The following OSBPL10 variants were observed in gnomAD, a reference collection of about 807,000 sequenced individuals.
OSBPL10 encodes oxysterol binding protein like 10.
OSBPL10 carries 49 observed loss-of-function variants against 81.7 expected under a neutral mutation model. That is an observed-to-expected ratio of 0.60 (90% CI 0.48 to 0.76). The LOEUF (loss-of-function observed/expected upper bound fraction) is 0.76, where lower values mean the gene tolerates loss of function less well. Ranked by LOEUF, OSBPL10 falls within the 30% of genes least tolerant of loss-of-function variation. The probability of loss-of-function intolerance (pLI) is 0.00; values close to 1 mark genes in which losing one functional copy is unlikely to be tolerated. For synonymous variants in OSBPL10, 419 were observed against 383.6 expected, an observed-to-expected ratio of 1.09 and a Z score of -1.08; for missense variants, 923 against 987.8, an observed-to-expected ratio of 0.93 and a Z score of 0.88.
chr3:31,806,430 G>A (rs1699524555), intron 4 of OSBPL10, among the ~76,000 whole-genome samples: 1 of 152,182 alleles, frequency 6.6e-6, no homozygotes, highest in African/African-American at 2.4e-5. Context: ...AGTCTAGATG[G>A]CCATTCTTCA....
intron 4 of OSBPL10, among the ~76,000 whole-genome samples, chr3:31,819,044 G>A (rs1216940141): frequency 6.6e-6 from 1 of 152,254 alleles, no homozygotes; most frequent in Non-Finnish European, 1.5e-5. Flanking sequence ...GCCACTTTCA[G>A]GGAAGGACAG....
chr3:31,951,329 GAAAC>G (rs973273343), intron 1 of OSBPL10, among the ~76,000 whole-genome samples: 46 of 151,712 alleles, frequency 3.0e-4, no homozygotes, highest in African/African-American at 1.1e-3. Context: ...ATAAAACTGA[GAAAC>G]AAAACTAAAT....
At chr3:31,703,426 A>C (rs146733263) in intron 6 of OSBPL10, among the ~76,000 whole-genome samples, 8 of 152,368 alleles carry the variant, frequency 5.3e-5, no homozygotes, top group African/African-American at 1.9e-4. Flanking sequence ...CAGGTCAGAC[A>C]TAATATACAG....
At chr3:31,808,743 C>T (rs950486349) in intron 4 of OSBPL10, among the ~76,000 whole-genome samples, 8 of 152,232 alleles carry the variant, frequency 5.3e-5, no homozygotes, top group Non-Finnish European at 1.2e-4. Flanking sequence ...CCTCTCTTCG[C>T]TTTACTTCAT....
chr3:31,848,281 T>C (rs572635304), intron 3 of OSBPL10, among the ~76,000 whole-genome samples: 177 of 151,790 alleles, frequency 1.2e-3, no homozygotes, highest in African/African-American at 4.2e-3. Flanking sequence ...TACCTTCTCT[T>C]CTGCTGTTAC....
intron 1 of OSBPL10, among the ~76,000 whole-genome samples, chr3:31,949,138 T>C (rs1053803672): frequency 6.6e-6 from 1 of 152,142 alleles, no homozygotes; most frequent in African/African-American, 2.4e-5. Flanking sequence ...AGAGGAGTTT[T>C]AGGTTGGTTT....
intron 1 of OSBPL10, among the ~76,000 whole-genome samples, chr3:31,928,712 A>C (rs1266577624): frequency 6.8e-6 from 1 of 147,604 alleles, no homozygotes; most frequent in Non-Finnish European, 1.5e-5. Flanking sequence ...CCTGGGAGAC[A>C]GAGGTTGCCG....
intron 4 of OSBPL10, among the ~76,000 whole-genome samples, chr3:31,767,303 A>T (rs1302187379): frequency 6.6e-6 from 1 of 152,178 alleles, no homozygotes; most frequent in Non-Finnish European, 1.5e-5. Flanking sequence ...GTGAGAAAAA[A>T]ACTCAACTGT....
intron 3 of OSBPL10, among the ~76,000 whole-genome samples, chr3:31,848,867 C>T (rs1700696801): frequency 6.6e-6 from 1 of 152,154 alleles, no homozygotes; most frequent in African/African-American, 2.4e-5. Flanking sequence ...AGTTAGGAAC[C>T]CGCTCTGTTG....
chr3:31,902,578 T>C (rs552441228), intron 1 of OSBPL10, among the ~76,000 whole-genome samples: 1 of 151,984 alleles, frequency 6.6e-6, no homozygotes, highest in South Asian at 2.1e-4. Context: ...GCCAGTGTTT[T>C]TTGAGACAGA....
At chr3:31,996,208 T>C (rs962954290) in intron 2 of OSBPL10, among the ~76,000 whole-genome samples, 6 of 152,138 alleles carry the variant, frequency 3.9e-5, no homozygotes, top group African/African-American at 1.2e-4. Context: ...GTGGACAAAA[T>C]ATTCTAGAGA....
chr3:31,929,639 T>C (rs1697177379), intron 1 of OSBPL10, among the ~76,000 whole-genome samples: 2 of 151,258 alleles, frequency 1.3e-5, no homozygotes, highest in South Asian at 4.2e-4. Context: ...TCCCAGCTAC[T>C]TGGGAGGCTG....
intron 1 of OSBPL10, among the ~76,000 whole-genome samples, chr3:31,951,333 C>G (rs1697863932): frequency 6.6e-6 from 1 of 150,488 alleles, no homozygotes; most frequent in Non-Finnish European, 1.5e-5. Flanking sequence ...AACTGAGAAA[C>G]AAAACTAAAT....
At chr3:31,848,833 A>G (rs1213269195) in intron 3 of OSBPL10, among the ~76,000 whole-genome samples, 2 of 152,248 alleles carry the variant, frequency 1.3e-5, no homozygotes, top group Non-Finnish European at 2.9e-5. Context: ...TTATTTAATC[A>G]CATCCTTAAT....
intron 6 of OSBPL10, among the ~76,000 whole-genome samples, chr3:31,716,699 GACA>G (rs1696451346): frequency 6.6e-6 from 1 of 152,164 alleles, no homozygotes; most frequent in Admixed American, 6.5e-5. Flanking sequence ...CAGACATATG[GACA>G]ACTTTTCTCA....
chr3:31,723,539 T>TACACACACACACAC (rs35189802), intron 6 of OSBPL10, among the ~76,000 whole-genome samples: 2 of 125,038 alleles, frequency 1.6e-5, no homozygotes, highest in African/African-American at 3.8e-5. Flanking sequence ...CTCTGTTTCT[T>TACACACACACACAC]ACACACACAC....
chr3:31,903,839 T>C (rs901944964), intron 1 of OSBPL10, among the ~76,000 whole-genome samples: 5 of 152,164 alleles, frequency 3.3e-5, no homozygotes, highest in African/African-American at 4.8e-5. Flanking sequence ...TGAAGCTTTT[T>C]GTTAAAGCAG....
intron 6 of OSBPL10, among the ~76,000 whole-genome samples, chr3:31,716,224 A>G (rs75860498): frequency 0.043 from 6,558 of 152,262 alleles, 442 homozygotes; most frequent in African/African-American, 0.15. Context: ...ATTGAAATAT[A>G]GTTATAACTT....
chr3:32,065,995 GAAAGAAAGAAAGAGAAAGAA>G (rs1479880981), intron 1 of OSBPL10, among the ~76,000 whole-genome samples: 1 of 63,386 alleles, frequency 1.6e-5, no homozygotes, highest in African/African-American at 3.7e-5. Context: ...AAGAAAGAAA[GAAAGAAAGAAAGAGAAAGAA>G]AGAAAGAAAG....
Sources: allele counts gnomAD v4.1 joint callset (sites outside exome capture counted in the v4.1 genomes callset), GRCh38; gene constraint gnomAD v4.1.1; transcripts MANE v1.5; gene names NCBI Gene and HGNC (gene_info 2026-07-23, HGNC 2026-07-21).